Variants in SH3BP1 observed in about 807,000 individuals in gnomAD.
SH3BP1 encodes SH3 domain binding protein 1.
Under a neutral mutation model 69.8 loss-of-function variants are expected in SH3BP1, and 46 were observed. That is an observed-to-expected ratio of 0.66 (90% CI 0.52 to 0.84). The LOEUF is 0.84. Among genes scored for constraint, SH3BP1 ranks in the 40% least tolerant of loss-of-function variants. The pLI is 0.00. For missense variants in SH3BP1, 868 were observed against 930.9 expected (o/e 0.93, Z 0.88); for synonymous variants, 403 against 378.0 (o/e 1.07, Z -0.77).
rs766262724 is a variant in SH3BP1 at position 37,642,885 on chromosome 22, G to A, written c.285-10G>A. The A allele has an allele frequency of 5.2e-5, 84 of 1,611,244 alleles. No individual in the cohort carries two copies. The Admixed American group carries it at 1.3e-3, about 26-fold the overall frequency. Reference sequence around the variant, plus strand: ...CGGGCGCCTGGACCCATGGGGTGCCGTGTCCACAGGAAGGCCTTGGAGATG... The same window carrying A: ...CGGGCGCCTGGACCCATGGGGTGCCATGTCCACAGGAAGGCCTTGGAGATG... On this transcript the variant is annotated splice_polypyrimidine_tract_variant and intron_variant, in intron 4 of 17. Transcript: ENST00000649765.
At position 37,642,388 on chromosome 22, in the gene SH3BP1, C is replaced by A. The variant is rs541516834; in HGVS notation, c.208-151C>A. 23 of 677,256 alleles carry A rather than the reference C, an allele frequency of 3.4e-5. No homozygotes were observed. The East Asian group carries it at 6.3e-4, about 19-fold the overall frequency. The allele number at this position is 677,256 out of a possible 1,614,324, so 42.0% of individuals were successfully genotyped here. On this transcript the variant is annotated intron_variant, in intron 3 of 17. Transcript: ENST00000649765. The stretch of plus-strand genomic sequence containing the variant: ...ATCCATGCTCTCAGGGAAATGTCAC[C>A]CCCACCACGCCTTGTCATCTTGTTT...
intron 6 of SH3BP1, 80 bp downstream of exon 6, chr22:37,643,254 C>T (rs1157954937): frequency 8.0e-7 from 1 of 1,253,030 alleles, no homozygotes; most frequent in Non-Finnish European, 1.1e-6. Flanking sequence ...GCCCTGGCCA[C>T]ACCAGGAGGA....
At chr22:37,647,652 G>T in intron 13 of SH3BP1, 131 bp downstream of exon 13, 2 of 540,258 alleles carry the variant, frequency 3.7e-6, no homozygotes, top group South Asian at 4.1e-5. Flanking sequence ...ATGCAGCTTT[G>T]ATGGATTAGT....
chr22:37,651,041 G>T (rs975932217), intron 16 of SH3BP1, among the ~76,000 whole-genome samples: 7 of 148,050 alleles, frequency 4.7e-5, no homozygotes, highest in South Asian at 2.1e-4. Flanking sequence ...GTTTTGTTTT[G>T]TTTTTTTTTT....
rs1023439466 is a variant in SH3BP1, at chr22:37,645,136, G to A, written c.778+176G>A. On this transcript the variant is annotated intron_variant, in intron 9 of 17. Coordinates refer to ENST00000649765, the MANE Select transcript of SH3BP1 (RefSeq NM_018957.6). ...TACTGTGTGGAGGGTGGAGTGAAGC[G>A]GGCAGGACTAGAGCCAGGCCTGTGA... The A allele has an allele frequency of 3.3e-5, 27 of 825,314 alleles. 1 individual carries two copies. The highest frequency in any genetic ancestry group is 3.2e-4 in the South Asian group (19 of 59,438). 51.1% of individuals were successfully genotyped at this position (825,314 alleles called of 1,614,324 possible).
At chr22:37,651,159 G>A (rs1333232385) in intron 16 of SH3BP1, among the ~76,000 whole-genome samples, 2 of 151,870 alleles carry the variant, frequency 1.3e-5, no homozygotes, top group East Asian at 1.9e-4. Flanking sequence ...TCAGCCTCCC[G>A]AGTAACTGGG....
chr22:37,645,164 C>A, intron 9 of SH3BP1: 1 of 838,760 alleles, frequency 1.2e-6, no homozygotes, highest in Non-Finnish European at 1.8e-6. Context: ...GCCTGTGAGG[C>A]AGAAGGAGGC....
chr22:37,642,551 C>A lies in SH3BP1; in HGVS notation c.220C>A (p.Leu74Ile). The change falls in exon 4 of 18, where the codon CTC (leucine) becomes ATC (isoleucine). Residue 74 changes from leucine (L) to isoleucine (I), a missense_variant. Around this residue, in one of 3 missense-constraint regions of SH3BP1, gnomAD observed 387 missense variants for 447.9 expected, o/e 0.86. Coordinates refer to ENST00000649765, the MANE Select transcript of SH3BP1 (RefSeq NM_018957.6). ...DMDKRVKKLP[L>I]MALSTTMAES... ...ACCCTCCCTGCAGAAGAAGCTTCCC[C>A]TCATGGCTCTGTCCACCACGATGGC... The A allele has an allele frequency of 6.2e-7, 1 of 1,613,254 alleles. No homozygotes were observed. Among genetic ancestry groups the A allele is most frequent in the South Asian group, 1.1e-5 (1 of 91,082 alleles).
intron 1 of SH3BP1, among the ~76,000 whole-genome samples, 179 bp downstream of exon 1, chr22:37,640,025 G>A (rs1932525448): frequency 6.6e-6 from 1 of 152,242 alleles, no homozygotes; most frequent in Non-Finnish European, 1.5e-5. Flanking sequence ...CTCGGGCAGA[G>A]CTGGAGGAGC....
intron 6 of SH3BP1, 72 bp downstream of exon 6, chr22:37,643,246 C>G (rs1385103752): frequency 1.1e-5 from 15 of 1,309,496 alleles, no homozygotes; most frequent in Admixed American, 1.9e-5. Context: ...GCTTTGAGGC[C>G]CTGGCCACAC....
At chr22:37,648,260 G>A in intron 13 of SH3BP1, 59 bp from the exon 14 acceptor site, 4 of 1,195,550 alleles carry the variant, frequency 3.3e-6, no homozygotes, top group Non-Finnish European at 4.9e-6. Context: ...ACCCTGGGCT[G>A]GAGAATTCTC....
At chr22:37,640,959 C>T (rs1017069899) in intron 1 of SH3BP1, 167 bp from the exon 2 acceptor site, 23 of 628,730 alleles carry the variant, frequency 3.7e-5, no homozygotes, top group South Asian at 5.5e-5. Context: ...GAATGTGCTC[C>T]GACTGGGATG....
At chr22:37,649,876 C>T in intron 14 of SH3BP1, 1 of 545,422 alleles carries the variant, frequency 1.8e-6, no homozygotes, top group Non-Finnish European at 3.4e-6. Flanking sequence ...GGCAAGATTT[C>T]CTCCCACGTG....
chr22:37,646,651 C>T, intron 10 of SH3BP1, 167 bp from the exon 11 acceptor site: 2 of 433,618 alleles, frequency 4.6e-6, no homozygotes, highest in Non-Finnish European at 8.2e-6. Flanking sequence ...GAATTCTAGA[C>T]CTTGAAGGTT....
At chr22:37,651,239 G>A (rs1218103017) in intron 16 of SH3BP1, among the ~76,000 whole-genome samples, 1 of 151,854 alleles carries the variant, frequency 6.6e-6, no homozygotes, top group African/African-American at 2.4e-5. Flanking sequence ...TCGCCATGTT[G>A]GCCAGGCTGG....
At chr22:37,654,342 G>A (rs551616547) in intron 17 of SH3BP1, among the ~76,000 whole-genome samples, 11 of 152,084 alleles carry the variant, frequency 7.2e-5, no homozygotes, top group African/African-American at 1.2e-4. Flanking sequence ...AGGCTGAGGC[G>A]GGTGGATCAC....
chr22:37,646,154 G>A (rs1212243387), intron 10 of SH3BP1, among the ~76,000 whole-genome samples: 2 of 151,700 alleles, frequency 1.3e-5, no homozygotes, highest in Non-Finnish European at 2.9e-5. Flanking sequence ...TTTTAGTAGA[G>A]ATGAGATTAT....
In SH3BP1 at chr22:37,644,904, CA is replaced by C. The variant is rs138980100; in HGVS notation, c.723del (p.Leu242Ter). 1 of 1,614,046 alleles carries C rather than the reference CA, an allele frequency of 6.2e-7. No individual in the cohort carries two copies. Among genetic ancestry groups the C allele is most frequent in the East Asian group, 2.2e-5 (1 of 44,868 alleles). ...ATTCAGGCCGATTACCATCGCAGGT[CA>C]CTGAGCTCGCTGGACACAGCCCTGG... Reference protein sequence around the residue: ...LEIQADYHRRSLSSLDTALAE... With the variant: ...LEIQADYHRRXLSSLDTALAE... On this transcript the variant is annotated frameshift_variant, in exon 9 of 18. Coordinates refer to ENST00000649765, the MANE Select transcript of SH3BP1 (RefSeq NM_018957.6). LOFTEE classifies it high-confidence loss of function.
chr22:37,653,714 C>T, intron 16 of SH3BP1, 65 bp from the exon 17 acceptor site: 1 of 1,175,580 alleles, frequency 8.5e-7, no homozygotes, highest in Non-Finnish European at 1.3e-6. Flanking sequence ...CTGGAGACTC[C>T]TCAGGATTCC....
Sources: allele counts gnomAD v4.1 joint callset (sites outside exome capture counted in the v4.1 genomes callset), GRCh38; gene constraint gnomAD v4.1.1; regional missense constraint gnomAD v4.1.1; transcripts MANE v1.5; gene names NCBI Gene and HGNC (gene_info 2026-07-23, HGNC 2026-07-21).